GABRA4: variants seen among roughly 807,000 people sequenced by gnomAD.
GABRA4 encodes gamma-aminobutyric acid receptor subunit alpha-4.
Under a neutral mutation model 49.7 loss-of-function variants are expected in GABRA4, and 12 were observed. The observed-to-expected ratio is 0.24, with a 90% CI of 0.15 to 0.39. The LOEUF (loss-of-function observed/expected upper bound fraction) is 0.39. Among genes scored for constraint, GABRA4 ranks in the 10% least tolerant of loss-of-function variants. The pLI is 1.00. For missense variants in GABRA4, 506 were observed against 686.0 expected (o/e 0.74, Z 2.93); for synonymous variants, 288 against 240.2 (o/e 1.20, Z -1.84).
At chr4:46,944,323 C>T (rs1721911369) in intron 8 of GABRA4, among the ~76,000 whole-genome samples, 1 of 142,086 alleles carries the variant, frequency 7.0e-6, no homozygotes, top group Admixed American at 7.5e-5. Context: ...AGTACTCCAA[C>T]TTCTTTGTCA....
chr4:46,991,329 A>C (rs1452019884), intron 2 of GABRA4, among the ~76,000 whole-genome samples: 1 of 152,198 alleles, frequency 6.6e-6, no homozygotes, highest in African/African-American at 2.4e-5. Flanking sequence ...GTGCCCTTAT[A>C]TACATCACTT....
At chr4:46,951,043 G>A (rs997742851) in intron 8 of GABRA4, among the ~76,000 whole-genome samples, 3 of 151,748 alleles carry the variant, frequency 2.0e-5, no homozygotes, top group African/African-American at 4.8e-5. Flanking sequence ...AGAGACAACC[G>A]GCATAATAAA....
At chr4:46,950,454 A>G (rs1512130) in intron 8 of GABRA4, among the ~76,000 whole-genome samples, 97,817 of 151,746 alleles carry the variant, frequency 0.64, 31,890 homozygotes, top group East Asian at 0.76. Flanking sequence ...GTTAAAAAGA[A>G]GCGACTAATA....
At chr4:46,940,036 C>A (rs565017981) in intron 8 of GABRA4, among the ~76,000 whole-genome samples, 1 of 151,880 alleles carries the variant, frequency 6.6e-6, no homozygotes, top group Non-Finnish European at 1.5e-5. Flanking sequence ...TCTAGCTGAG[C>A]AAAGTTGTAT....
intron 8 of GABRA4, among the ~76,000 whole-genome samples, chr4:46,953,436 T>C (rs1722240424): frequency 6.6e-6 from 1 of 152,164 alleles, no homozygotes; most frequent in South Asian, 2.1e-4. Flanking sequence ...AAACAACAGA[T>C]GTTGTAAATA....
intron 7 of GABRA4, among the ~76,000 whole-genome samples, chr4:46,965,970 A>G (rs891158055): frequency 5.9e-5 from 9 of 151,750 alleles, no homozygotes; most frequent in Admixed American, 5.9e-4. Flanking sequence ...TTGCAAAAGG[A>G]ACAGAAGTAC....
chr4:46,992,755 C>T, intron 2 of GABRA4, 73 bp downstream of exon 2: 1 of 1,073,618 alleles, frequency 9.3e-7, no homozygotes, highest in Non-Finnish European at 1.5e-6. Context: ...AATGATATTC[C>T]CACAGACAGA....
intron 1 of GABRA4, among the ~76,000 whole-genome samples, 196 bp from the exon 2 acceptor site, chr4:46,993,142 C>T (rs1296416345): frequency 6.6e-6 from 1 of 152,214 alleles, no homozygotes; most frequent in African/African-American, 2.4e-5. Flanking sequence ...CCAGTGCCCA[C>T]ACGCCTCTTG....
intron 8 of GABRA4, among the ~76,000 whole-genome samples, chr4:46,952,151 G>A (rs1017253646): frequency 5.3e-5 from 8 of 151,984 alleles, no homozygotes; most frequent in South Asian, 2.1e-4. Flanking sequence ...ACTGGTCATC[G>A]ATATGAAGAT....
intron 8 of GABRA4, among the ~76,000 whole-genome samples, chr4:46,945,740 A>G (rs1721958875): frequency 6.6e-6 from 1 of 152,136 alleles, no homozygotes; most frequent in Non-Finnish European, 1.5e-5. Flanking sequence ...TTATAAAATC[A>G]GGCATATAGC....
intron 8 of GABRA4, among the ~76,000 whole-genome samples, chr4:46,938,358 A>G (rs887928146): frequency 4.6e-5 from 7 of 152,128 alleles, no homozygotes; most frequent in African/African-American, 1.7e-4. Flanking sequence ...GTCCATGCCA[A>G]TCCTATAGGA....
chr4:46,955,095 A>G (rs1722295402), intron 8 of GABRA4, among the ~76,000 whole-genome samples: 1 of 152,162 alleles, frequency 6.6e-6, no homozygotes, highest in African/African-American at 2.4e-5. Context: ...TATGCTAAAT[A>G]CATTTCACAG....
chr4:46,932,910 G>A (rs1456574619), intron 8 of GABRA4, among the ~76,000 whole-genome samples: 1 of 152,080 alleles, frequency 6.6e-6, no homozygotes, highest in Non-Finnish European at 1.5e-5. Flanking sequence ...TCATGCTTTT[G>A]ACAGTTGGAA....
intron 8 of GABRA4, among the ~76,000 whole-genome samples, chr4:46,942,646 T>C (rs1028549829): frequency 3.3e-5 from 5 of 151,406 alleles, no homozygotes; most frequent in Non-Finnish European, 5.9e-5. Context: ...AAAAAAAAAT[T>C]ATGTCTTACA....
At chr4:46,974,914 G>C (rs1445391481) in intron 5 of GABRA4, among the ~76,000 whole-genome samples, 1 of 151,932 alleles carries the variant, frequency 6.6e-6, no homozygotes, top group African/African-American at 2.4e-5. Context: ...TGTGTTTGGG[G>C]ACCATTGTAC....
chr4:46,976,500 A>G (rs1330558570), intron 5 of GABRA4, among the ~76,000 whole-genome samples: 1 of 151,486 alleles, frequency 6.6e-6, no homozygotes, highest in South Asian at 2.1e-4. Context: ...GCATTATATT[A>G]ACTCAGACCA....
chr4:46,981,088 A>G (rs1249162385), intron 2 of GABRA4, among the ~76,000 whole-genome samples: 1 of 152,068 alleles, frequency 6.6e-6, no homozygotes, highest in East Asian at 1.9e-4. Context: ...TACTAGGCAT[A>G]AGGTGCGGCC....
chr4:46,985,659 A>G (rs1290178945), intron 2 of GABRA4, among the ~76,000 whole-genome samples: 2 of 152,058 alleles, frequency 1.3e-5, no homozygotes, highest in East Asian at 3.9e-4. Context: ...CCAAATATCC[A>G]CCAATTTTCT....
intron 8 of GABRA4, among the ~76,000 whole-genome samples, chr4:46,959,271 G>A (rs1722474983): frequency 1.3e-5 from 2 of 151,888 alleles, no homozygotes; most frequent in Admixed American, 6.6e-5. Context: ...CAGGAGGATG[G>A]GTGGGCCAAC....
Sources: gnomAD v4.1 joint callset for allele counts (sites outside exome capture counted in the v4.1 genomes callset) on GRCh38, gnomAD v4.1.1 for gene constraint, MANE v1.5 for transcripts, NCBI Gene and HGNC (gene_info 2026-07-23, HGNC 2026-07-21) for gene names.